KCNK10: variants seen among roughly 807,000 people sequenced by gnomAD.
The protein encoded by KCNK10 is potassium two pore domain channel subfamily K member 10, also known as potassium channel subfamily K member 10.
A neutral mutation model predicts 47.7 loss-of-function variants in KCNK10; 25 were observed. The ratio of observed to expected loss-of-function variants is 0.52; its 90% CI spans 0.38 to 0.73. The LOEUF (loss-of-function observed/expected upper bound fraction) is 0.73, where lower values mean the gene tolerates loss of function less well. KCNK10 is among the 30% of genes least tolerant of loss of function. KCNK10 has a pLI of 0.00. For missense variants in KCNK10, 563 were observed against 714.5 expected, an observed-to-expected ratio of 0.79 and a Z score of 2.42; for synonymous variants, 303 against 285.6, an observed-to-expected ratio of 1.06 and a Z score of -0.61.
intron 1 of KCNK10, among the ~76,000 whole-genome samples, chr14:88,289,643 C>T (rs1887836293): frequency 6.6e-6 from 1 of 152,226 alleles, no homozygotes; most frequent in South Asian, 2.1e-4. Context: ...GGTAAACCCA[C>T]CCATCTTTTA....
In KCNK10 at chr14:88,186,374, G is replaced by A. The variant is rs560691945; in HGVS notation, c.1012-219C>T. 1.3e-5 allele frequency among the ~76,000 whole-genome samples: 2 copies of A among 152,294 alleles called. No individual in the cohort carries two copies. The highest frequency in any genetic ancestry group is 2.9e-5 in the Non-Finnish European group (2 of 68,024). On this transcript the variant is annotated intron_variant, in intron 6 of 6. Coordinates refer to ENST00000319231, the MANE Select transcript of KCNK10 (RefSeq NM_138317.3). The surrounding 1 kb of genome is among the most constrained non-coding windows in gnomAD (Gnocchi z 5.5). ...AATAAGGTGGCTCAGGGAGACACACGTGGTGGGCAACCCCAAGAAGCCTCA... is the reference window on the plus strand; with the variant it reads ...AATAAGGTGGCTCAGGGAGACACACATGGTGGGCAACCCCAAGAAGCCTCA...
chr14:88,310,909 C>T (rs114650758), intron 1 of KCNK10, among the ~76,000 whole-genome samples: 1,705 of 152,188 alleles, frequency 0.011, 43 homozygotes, highest in African/African-American at 0.039. Flanking sequence ...TATGAGCGAG[C>T]GCACCACAGT....
rs116009216 is a variant in KCNK10 at position 88,251,286 on chromosome 14, C to T, written c.403-10466G>A. ...CACAAAAAGCACCATTCCTTCATTCCTCAAGCCTTTAGCATTTTCTATTGG... is the reference window on the plus strand; with the variant it reads ...CACAAAAAGCACCATTCCTTCATTCTTCAAGCCTTTAGCATTTTCTATTGG... On this transcript the variant is annotated intron_variant, in intron 2 of 6. Transcript: ENST00000319231. Among the ~76,000 whole-genome samples the T allele has an allele frequency of 6.2e-3, 942 of 151,444 alleles. 10 individuals carry two copies. The highest frequency in any genetic ancestry group is 0.021 in the African/African-American group (879 of 41,264).
In KCNK10 at chr14:88,263,375, C is replaced by T; in HGVS notation, c.229G>A (p.Val77Met). Residue 77 changes from valine (V) to methionine (M), a missense_variant, in exon 2 of 7, where the codon GTG becomes ATG. Val to Met is a conservative substitution (Grantham distance 21). Coordinates refer to ENST00000319231, the MANE Select transcript of KCNK10 (RefSeq NM_138317.3). ...ACCACAACCACAAAGATGGCAACCA[C>T]CGTCTTCCACTTCATGACGGTCTGC... The part of the protein sequence containing the change: ...GLQTVMKWKT[V>M]VAIFVVVVVY... 1 of 1,614,034 alleles carries T rather than the reference C, an allele frequency of 6.2e-7. No individual in the cohort carries two copies. Among genetic ancestry groups the T allele is most frequent in the Non-Finnish European group, 8.5e-7 (1 of 1,180,044 alleles).
chr14:88,185,685 C>G lies in KCNK10; in HGVS notation c.1482G>C (p.Glu494Asp). 6.2e-7 allele frequency: 1 copy of G among 1,614,194 alleles called. No individual in the cohort carries two copies. The highest frequency in any genetic ancestry group is 8.5e-7 in the Non-Finnish European group (1 of 1,180,046). Residue 494 changes from glutamate to aspartate, a missense_variant, in exon 7 of 7, where the codon GAG (glutamate) becomes GAC (aspartate). Glu to Asp is a conservative substitution (Grantham distance 45). Coordinates refer to ENST00000319231, the MANE Select transcript of KCNK10 (RefSeq NM_138317.3). The surrounding 1 kb of genome is among the most constrained non-coding windows in gnomAD (Gnocchi z 4.3). The part of the protein sequence containing the change: ...YSLDEEKKEE[E>D]TEKMCNSDNS... ...TGTCTGAGTTACACATCTTTTCCGT[C>G]TCCTCCTCTTTCTTCTCCTCGTCCA...
Position 88,182,036 on chromosome 14 carries a change from GCACA to G in KCNK10, c.*3495_*3498del, listed in dbSNP as rs372506756. The G allele has an allele frequency of 0.11, 15,308 of 136,730 alleles. 1,046 individuals carry two copies. Among genetic ancestry groups the G allele is most frequent in the Admixed American group, 0.16 (2,195 of 13,572 alleles). 8.5% of individuals were successfully genotyped at this position (136,730 alleles called of 1,614,324 possible). On this transcript the variant is annotated 3_prime_UTR_variant, in exon 7 of 7. Coordinates refer to ENST00000319231, the MANE Select transcript of KCNK10 (RefSeq NM_138317.3). The stretch of plus-strand genomic sequence containing the variant: ...AGATGGCCCAACACCACCCCAACCC[GCACA>G]CACACACACACACACACACACACAC...
Position 88,180,219 on chromosome 14 carries a change from T to C in KCNK10, c.*5316A>G, listed in dbSNP as rs769028480. On this transcript the variant is annotated 3_prime_UTR_variant, in exon 7 of 7. Transcript: ENST00000319231. ...GCTTATTGAAATGTCACAAGCAAAT[T>C]TGTTTTGTACTTTCCCTAAGAACAT... The C allele has an allele frequency of 3.9e-5, 6 of 152,340 alleles. No individual in the cohort carries two copies. Among genetic ancestry groups the C allele is most frequent in the African/African-American group, 1.4e-4 (6 of 41,438 alleles). 9.4% of individuals were successfully genotyped at this position (152,340 alleles called of 1,614,324 possible).
intron 3 of KCNK10, among the ~76,000 whole-genome samples, chr14:88,234,562 C>CCT (rs1480207033): frequency 6.6e-6 from 1 of 152,198 alleles, no homozygotes; most frequent in Non-Finnish European, 1.5e-5. Context: ...GAGGAAAGAA[C>CCT]CTCTCAAAAG....
chr14:88,275,135 G>A (rs1402519937), intron 1 of KCNK10, among the ~76,000 whole-genome samples: 1 of 152,132 alleles, frequency 6.6e-6, no homozygotes. Flanking sequence ...TGTGACTCTG[G>A]GGTAGGGGCT....
chr14:88,318,183 T>C (rs1443869861), intron 1 of KCNK10, among the ~76,000 whole-genome samples: 1 of 152,268 alleles, frequency 6.6e-6, no homozygotes, highest in Non-Finnish European at 1.5e-5. Flanking sequence ...CCTTTCTCCT[T>C]ATTTGTACTT....
rs56157820 is a variant in KCNK10 at position 88,188,250 on chromosome 14, C to T, written c.869-141G>A. On this transcript the variant is annotated intron_variant, in intron 5 of 6. Coordinates refer to ENST00000319231, the MANE Select transcript of KCNK10 (RefSeq NM_138317.3). ...TAGGTTTGCTGTGTACAAGGTGGAC[C>T]GGGGTTAGAGGGCAAGGGGGGTACC... 22,678 of 1,039,812 alleles carry T rather than the reference C, an allele frequency of 0.022. 1,070 individuals carry two copies. Among genetic ancestry groups the T allele is most frequent in the African/African-American group, 0.17 (10,753 of 62,798 alleles). 64.4% of individuals were successfully genotyped at this position (1,039,812 alleles called of 1,614,324 possible). A position where few individuals can be genotyped will look rare whatever the true frequency, so the allele number is the denominator to read the frequency against.
chr14:88,208,647 ACT>A (rs1392866605), intron 4 of KCNK10, among the ~76,000 whole-genome samples: 1 of 152,166 alleles, frequency 6.6e-6, no homozygotes, highest in Non-Finnish European at 1.5e-5. Flanking sequence ...TCTGGTGCCA[ACT>A]CTGTTATAGT....
chr14:88,234,770 T>G (rs1283141557), intron 3 of KCNK10, among the ~76,000 whole-genome samples: 1 of 152,178 alleles, frequency 6.6e-6, no homozygotes, highest in East Asian at 1.9e-4. Context: ...ACTTCACAAT[T>G]GTATGTGGGC....
upstream of KCNK10, among the ~76,000 whole-genome samples, chr14:88,325,136 C>G (rs1888634099): frequency 6.6e-6 from 1 of 152,216 alleles, no homozygotes; most frequent in Non-Finnish European, 1.5e-5. Flanking sequence ...CTCTGCTTCT[C>G]CCAGCCATGC....
rs1430157674 is a variant in KCNK10 at position 88,181,979 on chromosome 14, A to T, written c.*3556T>A. ...TCACAGGCTATGACTGCTGGAACAC[A>T]AATAGTCCTAGTTACCTTAGTAACA... is the stretch of plus-strand genomic sequence containing the variant. On this transcript the variant is annotated 3_prime_UTR_variant, in exon 7 of 7. Coordinates refer to ENST00000319231, the MANE Select transcript of KCNK10 (RefSeq NM_138317.3). The T allele has an allele frequency of 6.6e-6, 1 of 152,300 alleles. No individual in the cohort carries two copies. Among genetic ancestry groups the T allele is most frequent in the Non-Finnish European group, 1.5e-5 (1 of 68,332 alleles). The allele number at this position is 152,300 out of a possible 1,614,324, so 9.4% of individuals were successfully genotyped here. A position where few individuals can be genotyped will look rare whatever the true frequency, so the allele number is the denominator to read the frequency against.
chr14:88,280,668 G>A lies in KCNK10; in HGVS notation c.53-17117C>T, dbSNP rs565399582. On this transcript the variant is annotated intron_variant, in intron 1 of 6. Transcript: ENST00000319231. ...CAAACCGTTCAAGCCAAATAGGCAG[G>A]ATCCTGAGAGGCAGCCTTACTTTCT... 3.9e-5 allele frequency among the ~76,000 whole-genome samples: 6 copies of A among 152,270 alleles called. No homozygotes were observed. The East Asian group carries it at 1.2e-3, about 29-fold the overall frequency.
intron 2 of KCNK10, among the ~76,000 whole-genome samples, chr14:88,249,028 T>C (rs10483992): frequency 0.21 from 31,267 of 152,094 alleles, 3,511 homozygotes; most frequent in East Asian, 0.39. Flanking sequence ...ACTCTAGCCT[T>C]CTATCTTCCA....
intron 2 of KCNK10, among the ~76,000 whole-genome samples, chr14:88,258,171 G>A (rs953333207): frequency 3.9e-5 from 6 of 152,090 alleles, no homozygotes; most frequent in Admixed American, 6.5e-5. Flanking sequence ...AGCATTTACC[G>A]TGTGCCAAGC....
chr14:88,207,334 G>A lies in KCNK10; in HGVS notation c.682-14924C>T, dbSNP rs556703752. The stretch of plus-strand genomic sequence containing the variant: ...ACTACAGGGGCCCGCCATCGCGCCC[G>A]GCTAATTTTCTTGTATTTTTTAGAG... On this transcript the variant is annotated intron_variant, in intron 4 of 6. Coordinates refer to ENST00000319231, the MANE Select transcript of KCNK10 (RefSeq NM_138317.3). Among the ~76,000 whole-genome samples the A allele has an allele frequency of 5.3e-5, 8 of 152,028 alleles. No individual in the cohort carries two copies. The South Asian group carries it at 6.2e-4, about 12-fold the overall frequency.
Sources: allele counts gnomAD v4.1 joint callset (sites outside exome capture counted in the v4.1 genomes callset), GRCh38; gene constraint gnomAD v4.1.1; non-coding constraint Gnocchi (gnomAD v3.1); transcripts MANE v1.5; gene names NCBI Gene and HGNC (gene_info 2026-07-23, HGNC 2026-07-21).